The following PSTPIP1 variants were observed in gnomAD, a reference collection of about 807,000 sequenced individuals.
PSTPIP1 encodes the protein proline-serine-threonine phosphatase-interacting protein 1.
Under a neutral mutation model 69.6 loss-of-function variants are expected in PSTPIP1, and 66 were observed. The observed-to-expected ratio is 0.95, with a 90% confidence interval of 0.78 to 1.16. The LOEUF (loss-of-function observed/expected upper bound fraction) is 1.16. Ranked by LOEUF, PSTPIP1 falls within the 50% of genes most tolerant of loss-of-function variation. PSTPIP1 has a pLI of 0.00. For missense variants in PSTPIP1, 603 were observed against 557.4 expected (o/e 1.08, Z -0.82); for synonymous variants, 266 against 222.7 (o/e 1.19, Z -1.73).
chr15:77,028,731 C>T, intron 7 of PSTPIP1, 79 bp downstream of exon 7: 1 of 1,220,804 alleles, frequency 8.2e-7, no homozygotes, highest in Non-Finnish European at 1.1e-6. Flanking sequence ...GCCGTAGACA[C>T]CCCCAGGCAA....
At chr15:76,996,750 T>G (rs1028417536) in intron 1 of PSTPIP1, among the ~76,000 whole-genome samples, 1 of 152,140 alleles carries the variant, frequency 6.6e-6, no homozygotes, top group Non-Finnish European at 1.5e-5. Flanking sequence ...AGTTTCCCCA[T>G]CTCTACAAAG....
chr15:76,999,909 A>G (rs1427972594), intron 1 of PSTPIP1, among the ~76,000 whole-genome samples: 1 of 152,198 alleles, frequency 6.6e-6, no homozygotes, highest in Non-Finnish European at 1.5e-5. Context: ...ACCAGATTCT[A>G]TTGAGATCCA....
intron 1 of PSTPIP1, chr15:77,007,845 A>G (rs1174448227): frequency 8.8e-6 from 4 of 452,506 alleles, no homozygotes; most frequent in African/African-American, 8.0e-5. Context: ...CTGCCCGTCT[A>G]GGCCTCCCAA....
intron 1 of PSTPIP1, among the ~76,000 whole-genome samples, chr15:77,010,477 A>G (rs1472415700): frequency 3.3e-5 from 5 of 152,006 alleles, no homozygotes; most frequent in Non-Finnish European, 7.4e-5. Context: ...AGGCCACCTT[A>G]CAGACACCTG....
chr15:77,015,840 CAG>C (rs1275604592), intron 1 of PSTPIP1: 5 of 444,728 alleles, frequency 1.1e-5, no homozygotes, highest in African/African-American at 4.0e-5. Context: ...GTCCTTGTGA[CAG>C]TAGCTCACTC....
chr15:77,027,585 G>A lies in PSTPIP1; in HGVS notation c.355-267G>A. The A allele has an allele frequency of 2.0e-6, 1 of 492,080 alleles. No individual in the cohort carries two copies. Among genetic ancestry groups the A allele is most frequent in the East Asian group, 4.0e-5 (1 of 24,692 alleles). The allele number at this position is 492,080 out of a possible 1,614,324, so 30.5% of individuals were successfully genotyped here. A position where few individuals can be genotyped will look rare whatever the true frequency, so the allele number is the denominator to read the frequency against. On this transcript the variant is annotated intron_variant, in intron 5 of 14. Coordinates refer to ENST00000558012, the MANE Select transcript of PSTPIP1 (RefSeq NM_003978.5). This position sits in a 1 kb window ranked among gnomAD's most constrained non-coding sequence, Gnocchi z 4.3. Reference sequence around the variant, plus strand: ...CGACTGTGTGCGCACGTGTGTTGGGGTGGGAACTCCCCAGCTGGAGACGAA... The same window carrying A: ...CGACTGTGTGCGCACGTGTGTTGGGATGGGAACTCCCCAGCTGGAGACGAA...
rs2075557368 is a variant in PSTPIP1 at position 76,995,493 on chromosome 15, G to A, written c.-81G>A. The A allele has an allele frequency of 1.9e-6, 3 of 1,610,068 alleles. No individual in the cohort carries two copies. The highest frequency in any genetic ancestry group is 2.5e-6 in the Non-Finnish European group (3 of 1,178,414). Reference sequence around the variant, plus strand: ...GCCTGGGCCAGCCCTGCCAGGACTGGGACGCTGCTGCTGGCGCCTGGCCCT... The same window carrying A: ...GCCTGGGCCAGCCCTGCCAGGACTGAGACGCTGCTGCTGGCGCCTGGCCCT... On this transcript the variant is annotated 5_prime_UTR_variant, in exon 1 of 15. Transcript: ENST00000558012.
intron 1 of PSTPIP1, among the ~76,000 whole-genome samples, chr15:77,002,390 A>G (rs1015850599): frequency 2.0e-5 from 3 of 152,262 alleles, no homozygotes; most frequent in African/African-American, 7.2e-5. Context: ...GATTCTCTCC[A>G]TCCCCCATCT....
intron 12 of PSTPIP1, among the ~76,000 whole-genome samples, chr15:77,035,117 G>C (rs2076525303): frequency 6.6e-6 from 1 of 152,242 alleles, no homozygotes; most frequent in South Asian, 2.1e-4. Flanking sequence ...GCAGGGGCCT[G>C]GAGGGTGAGG....
rs188931087 is a variant in PSTPIP1, at chr15:77,025,338, G to A, written c.247+20G>A. 3,082 of 1,602,990 alleles carry A rather than the reference G, an allele frequency of 1.9e-3. 4 individuals carry two copies. Among genetic ancestry groups the A allele is most frequent in the Non-Finnish European group, 2.4e-3 (2,817 of 1,169,942 alleles). On this transcript the variant is annotated intron_variant, in intron 4 of 14. Coordinates refer to ENST00000558012, the MANE Select transcript of PSTPIP1 (RefSeq NM_003978.5). ...AGCAGCGTAAGTCCCCTACCCTGGG[G>A]CAATGGGATCTTTTGGGACTGCGAG...
intron 6 of PSTPIP1, chr15:77,028,292 G>A (rs1358492307): frequency 1.0e-4 from 48 of 481,838 alleles, no homozygotes; most frequent in Non-Finnish European, 3.7e-6. Context: ...TGCCCTCGCC[G>A]AAGAGCACAG....
intron 10 of PSTPIP1, 109 bp from the exon 11 acceptor site, chr15:77,032,189 C>A: frequency 3.6e-6 from 4 of 1,105,492 alleles, no homozygotes; most frequent in Non-Finnish European, 5.3e-6. Context: ...CCGAGCCGCG[C>A]ACAATGGCCT....
chr15:77,029,627 C>T (rs34107915), intron 8 of PSTPIP1, 53 bp downstream of exon 8: 1 of 1,522,498 alleles, frequency 6.6e-7, no homozygotes. Context: ...GGGCGGTACT[C>T]CCCACACACA....
chr15:77,033,980 A>AGGT (rs1207850522), intron 12 of PSTPIP1, among the ~76,000 whole-genome samples: 10 of 152,138 alleles, frequency 6.6e-5, no homozygotes, highest in Non-Finnish European at 1.5e-5. Context: ...ACTGGACAAA[A>AGGT]GAGCTCACCT....
At chr15:77,022,441 C>G (rs1018963224) in intron 3 of PSTPIP1, among the ~76,000 whole-genome samples, 3 of 152,234 alleles carry the variant, frequency 2.0e-5, no homozygotes, top group African/African-American at 7.2e-5. Context: ...CACATGAAGG[C>G]ACTGGTGACA....
chr15:77,015,939 G>A (rs761696190), intron 1 of PSTPIP1: 126 of 456,176 alleles, frequency 2.8e-4, no homozygotes, highest in East Asian at 1.1e-3. Context: ...ACTTGAGCAC[G>A]GCGGTCACAG....
chr15:77,018,949 C>T (rs769531623), intron 3 of PSTPIP1, among the ~76,000 whole-genome samples: 27 of 152,150 alleles, frequency 1.8e-4, no homozygotes, highest in African/African-American at 6.5e-4. Flanking sequence ...ACCTGGGTTC[C>T]GGTGTCAGCT....
chr15:77,026,307 C>A (rs995642349), intron 5 of PSTPIP1: 15 of 423,298 alleles, frequency 3.5e-5, no homozygotes, highest in Non-Finnish European at 5.2e-5. Flanking sequence ...GGGGGCTGAG[C>A]CTCTCAGGGC....
At position 77,016,399 on chromosome 15, in the gene PSTPIP1, G is replaced by A. The variant is rs80135348; in HGVS notation, c.37-1749G>A. The stretch of plus-strand genomic sequence containing the variant: ...GGGCAGAGGCTGAGGGGTGGGAAGG[G>A]GAGGGCTGCTGGCTGCAAGCAGCTG... On this transcript the variant is annotated intron_variant, in intron 1 of 14. Coordinates refer to ENST00000558012, the MANE Select transcript of PSTPIP1 (RefSeq NM_003978.5). 2.1e-3 allele frequency among the ~76,000 whole-genome samples: 321 copies of A among 152,152 alleles called. 2 individuals carry two copies. Among genetic ancestry groups the A allele is most frequent in the African/African-American group, 6.4e-3 (265 of 41,400 alleles).
Sources: gnomAD v4.1 joint callset for allele counts (sites outside exome capture counted in the v4.1 genomes callset) on GRCh38, gnomAD v4.1.1 for gene constraint, Gnocchi (gnomAD v3.1) non-coding constraint, MANE v1.5 for transcripts, NCBI Gene and HGNC (gene_info 2026-07-23, HGNC 2026-07-21) for gene names.